Variants in RABGAP1L observed in about 807,000 individuals in gnomAD.
The protein encoded by RABGAP1L is rab GTPase-activating protein 1-like.
A neutral mutation model predicts 137.7 loss-of-function variants in RABGAP1L; 63 were observed. The observed-to-expected ratio is 0.46, with a 90% CI of 0.37 to 0.56. The LOEUF is 0.56. RABGAP1L is among the 20% of genes least tolerant of loss of function. The pLI is 0.00. For missense variants in RABGAP1L, 1,095 were observed against 1,244.0 expected (o/e 0.88, Z 1.80); for synonymous variants, 431 against 433.7 (o/e 0.99, Z 0.08).
chr1:174,491,366 C>G (rs879437247), intron 13 of RABGAP1L, among the ~76,000 whole-genome samples: 2 of 152,032 alleles, frequency 1.3e-5, no homozygotes, highest in Non-Finnish European at 2.9e-5. Flanking sequence ...AAAATACTTT[C>G]TGGGAGCTAA....
At chr1:174,667,585 CT>C (rs1278982284) in intron 14 of RABGAP1L, among the ~76,000 whole-genome samples, 2 of 152,162 alleles carry the variant, frequency 1.3e-5, no homozygotes, top group Non-Finnish European at 2.9e-5. Flanking sequence ...TGTACATGCC[CT>C]TTTTTCTGCA....
At chr1:174,896,889 G>A (rs1404084889) in intron 19 of RABGAP1L, 1 of 152,154 alleles carries the variant, frequency 6.6e-6, no homozygotes, top group African/African-American at 2.4e-5. Flanking sequence ...CTCCAGCTTT[G>A]TTCTTTTGGC....
intron 1 of RABGAP1L, among the ~76,000 whole-genome samples, chr1:174,201,897 C>A (rs867761289): frequency 2.0e-5 from 3 of 148,608 alleles, no homozygotes; most frequent in African/African-American, 5.0e-5. Flanking sequence ...TGAGAACATG[C>A]GGTGTTTGAT....
chr1:174,833,468 A>ATATATATATATATATATATATATAT (rs1279866308), intron 19 of RABGAP1L, among the ~76,000 whole-genome samples: 31 of 107,306 alleles, frequency 2.9e-4, no homozygotes, highest in Non-Finnish European at 4.7e-4. Flanking sequence ...ATATATATAT[A>ATATATATATATATATATATATATAT]GTAGAGACAG....
At chr1:174,173,554 G>A (rs1180310803) in intron 1 of RABGAP1L, among the ~76,000 whole-genome samples, 1 of 152,072 alleles carries the variant, frequency 6.6e-6, no homozygotes, top group East Asian at 1.9e-4. Flanking sequence ...TGTGCATTTT[G>A]AGAAGAAACT....
At chr1:174,859,808 C>A (rs771879329) in intron 19 of RABGAP1L, among the ~76,000 whole-genome samples, 1 of 151,762 alleles carries the variant, frequency 6.6e-6, no homozygotes, top group Non-Finnish European at 1.5e-5. Context: ...GCCTGTGTAA[C>A]AAACCTGCAC....
At chr1:174,805,003 A>G (rs1034580162) in intron 18 of RABGAP1L, among the ~76,000 whole-genome samples, 3 of 150,716 alleles carry the variant, frequency 2.0e-5, no homozygotes, top group African/African-American at 7.3e-5. Flanking sequence ...ACCCAAATGC[A>G]GAAGTTGCCA....
At chr1:174,374,293 G>A (rs145429100) in intron 12 of RABGAP1L, among the ~76,000 whole-genome samples, 2 of 152,174 alleles carry the variant, frequency 1.3e-5, no homozygotes, top group Non-Finnish European at 2.9e-5. Flanking sequence ...TCTACTCTCT[G>A]GACAGAGTTT....
chr1:174,413,675 C>T (rs1051689566), intron 13 of RABGAP1L, among the ~76,000 whole-genome samples: 6 of 152,116 alleles, frequency 3.9e-5, no homozygotes, highest in Non-Finnish European at 8.8e-5. Flanking sequence ...TCCTCCCCCC[C>T]TTTCTCTATG....
rs1670669837 is a variant in RABGAP1L at position 174,231,709 on chromosome 1, C to T, written c.542+354C>T. Reference sequence around the variant, plus strand: ...GGCCTCAGGAAACTTAAAATCATGGCAGAAGGCAAGGGGAAGCAGAATTGT... The same window carrying T: ...GGCCTCAGGAAACTTAAAATCATGGTAGAAGGCAAGGGGAAGCAGAATTGT... On this transcript the variant is annotated intron_variant, in intron 4 of 25. Coordinates refer to ENST00000681986, the MANE Select transcript of RABGAP1L (RefSeq NM_001366446.1). 2.0e-5 allele frequency among the ~76,000 whole-genome samples: 3 copies of T among 152,074 alleles called. No homozygotes were observed. The South Asian group carries it at 6.2e-4, about 32-fold the overall frequency.
At chr1:174,980,179 C>T (rs906299953) in intron 23 of RABGAP1L, among the ~76,000 whole-genome samples, 2 of 150,762 alleles carry the variant, frequency 1.3e-5, no homozygotes, top group African/African-American at 4.9e-5. Flanking sequence ...ATTGTTTATC[C>T]TTTTTTTTTG....
intron 10 of RABGAP1L, among the ~76,000 whole-genome samples, chr1:174,294,232 C>T (rs1038388066): frequency 1.3e-5 from 2 of 152,146 alleles, no homozygotes; most frequent in Non-Finnish European, 2.9e-5. Context: ...TGTCTTCTAT[C>T]TAGTCTGTAT....
chr1:174,939,737 A>G (rs896229472), intron 19 of RABGAP1L, among the ~76,000 whole-genome samples: 1 of 152,050 alleles, frequency 6.6e-6, no homozygotes, highest in African/African-American at 2.4e-5. Context: ...GGTTATCACA[A>G]TTTTCTCATT....
chr1:174,863,885 C>T (rs993278500), intron 19 of RABGAP1L, among the ~76,000 whole-genome samples: 1 of 151,764 alleles, frequency 6.6e-6, no homozygotes, highest in Non-Finnish European at 1.5e-5. Context: ...GAGGCTGAGG[C>T]AGGAGAATTG....
Position 174,854,715 on chromosome 1 carries a change from C to CTTTTTTTTTTTTTTTTTTTTTTTTTT in RABGAP1L, c.2340+42775_2340+42800dup, listed in dbSNP as rs71117584. ...AACTGCAATAGACTCAATATAAATGCTTTTTTTTTTTTTTTTTTTTTTTTT... is the reference window on the plus strand; with the variant it reads ...AACTGCAATAGACTCAATATAAATGCTTTTTTTTTTTTTTTTTTTTTTTTTTTTTTTTTTTTTTTTTTTTTTTTTTT... On this transcript the variant is annotated intron_variant, in intron 19 of 25. Coordinates refer to ENST00000681986, the MANE Select transcript of RABGAP1L (RefSeq NM_001366446.1). Among the ~76,000 whole-genome samples, 3 of 56,872 alleles carry CTTTTTTTTTTTTTTTTTTTTTTTTTT rather than the reference C, an allele frequency of 5.3e-5. 1 individual carries two copies. The highest frequency in any genetic ancestry group is 1.0e-4 in the Non-Finnish European group (3 of 29,356). 37.3% of individuals were successfully genotyped at this position (56,872 alleles called of 152,430 possible).
At chr1:174,751,900 T>G (rs1440799196) in intron 17 of RABGAP1L, among the ~76,000 whole-genome samples, 3 of 152,208 alleles carry the variant, frequency 2.0e-5, no homozygotes, top group African/African-American at 7.2e-5. Flanking sequence ...GCCTTGTTTT[T>G]TTTTATTTTA....
intron 13 of RABGAP1L, among the ~76,000 whole-genome samples, chr1:174,549,698 AT>A (rs371254969): frequency 6.6e-6 from 1 of 152,206 alleles, no homozygotes; most frequent in African/African-American, 2.4e-5. Flanking sequence ...CAGAAGCTTA[AT>A]TTTTTTCCTA....
intron 19 of RABGAP1L, among the ~76,000 whole-genome samples, chr1:174,923,787 A>G (rs1435019375): frequency 6.6e-6 from 1 of 151,298 alleles, no homozygotes; most frequent in South Asian, 2.1e-4. Flanking sequence ...AGGCTGAGGC[A>G]GGAGAATCGC....
intron 13 of RABGAP1L, among the ~76,000 whole-genome samples, chr1:174,634,208 C>T (rs1673719882): frequency 7.1e-6 from 1 of 140,886 alleles, no homozygotes; most frequent in African/African-American, 2.8e-5. Flanking sequence ...AACAACCCAT[C>T]AAAAAGTGGG....
Sources: allele counts gnomAD v4.1 joint callset (sites outside exome capture counted in the v4.1 genomes callset), GRCh38; gene constraint gnomAD v4.1.1; transcripts MANE v1.5; gene names NCBI Gene and HGNC (gene_info 2026-07-23, HGNC 2026-07-21).